The following IL20RB variants were observed in gnomAD, a reference collection of about 807,000 sequenced individuals.
IL20RB encodes the protein interleukin 20 receptor subunit beta, also known as interleukin-20 receptor subunit beta.
Under a neutral mutation model 33.3 loss-of-function variants are expected in IL20RB, and 21 were observed. The observed-to-expected ratio is 0.63, with a 90% CI of 0.45 to 0.91. IL20RB has a LOEUF of 0.91. IL20RB is among the 40% of genes least tolerant of loss of function. The pLI, the probability that IL20RB is intolerant of heterozygous loss-of-function variation, is 0.00. For synonymous variants in IL20RB, 147 were observed against 146.8 expected, an observed-to-expected ratio of 1.00 and a Z score of -0.01; for missense variants, 345 against 384.8, an observed-to-expected ratio of 0.90 and a Z score of 0.86.
At chr3:136,983,828 TTTTG>T (rs756119929) in intron 3 of IL20RB, among the ~76,000 whole-genome samples, 8 of 151,856 alleles carry the variant, frequency 5.3e-5, no homozygotes, top group African/African-American at 9.7e-5. Context: ...CACAAAGTGG[TTTTG>T]TTTGTTTGTT....
chr3:136,996,291 C>T (rs1427389610), intron 6 of IL20RB, among the ~76,000 whole-genome samples: 4 of 152,072 alleles, frequency 2.6e-5, no homozygotes, highest in Admixed American at 1.3e-4. Flanking sequence ...AGATGTTTCC[C>T]GCCAACCCCC....
At chr3:136,983,335 A>C (rs915213552) in intron 3 of IL20RB, among the ~76,000 whole-genome samples, 1 of 152,106 alleles carries the variant, frequency 6.6e-6, no homozygotes, top group African/African-American at 2.4e-5. Context: ...TCATCTGCCC[A>C]CTTCGGCCTC....
chr3:136,986,445 C>T (rs1463390722), intron 3 of IL20RB, among the ~76,000 whole-genome samples: 1 of 152,120 alleles, frequency 6.6e-6, no homozygotes, highest in African/African-American at 2.4e-5. Context: ...AGACCCAATT[C>T]TGATGACATC....
chr3:136,959,319 C>G (rs16844325), intron 1 of IL20RB: 70,495 of 152,048 alleles, frequency 0.46, 16,841 homozygotes, highest in East Asian at 0.69. Context: ...GAAGCAGCAT[C>G]TTCAGTATTT....
In IL20RB at chr3:136,988,098, C is replaced by T. The variant is rs185292517; in HGVS notation, c.407-1343C>T. Among the ~76,000 whole-genome samples the T allele has an allele frequency of 4.1e-3, 632 of 152,332 alleles. 2 individuals are homozygous for T. The highest frequency in any genetic ancestry group is 6.5e-3 in the Non-Finnish European group (443 of 68,028). The stretch of plus-strand genomic sequence containing the variant: ...CCAAAGTGGGAGCCCAGGCAGAGGA[C>T]GCGCCCAGAGTGAGCGAGGGCTGTG... On this transcript the variant is annotated intron_variant, in intron 3 of 6. Transcript: ENST00000329582.
intron 1 of IL20RB, among the ~76,000 whole-genome samples, chr3:136,960,342 T>C (rs1941184595): frequency 6.6e-6 from 1 of 151,992 alleles, no homozygotes; most frequent in African/African-American, 2.4e-5. Context: ...AAGATGAGGT[T>C]TCACCATGTT....
chr3:137,004,872 T>C lies in IL20RB; in HGVS notation c.826-5241T>C, dbSNP rs561055135. Among the ~76,000 whole-genome samples, 7 of 152,354 alleles carry C rather than the reference T, an allele frequency of 4.6e-5. No homozygotes were observed. In the East Asian group the frequency reaches 1.3e-3, roughly 29 times the overall value. On this transcript the variant is annotated intron_variant, in intron 6 of 6. Coordinates refer to ENST00000329582, the MANE Select transcript of IL20RB (RefSeq NM_144717.4). ...AATTGTGATGTTAGGGTGTCAATTT[T>C]AGATCTTTCCTGCTTTCTCTTGTGA... is the stretch of plus-strand genomic sequence containing the variant.
At position 136,962,647 on chromosome 3, in the gene IL20RB, G is replaced by A. The variant is rs562731126; in HGVS notation, c.88+4446G>A. 5.3e-5 allele frequency among the ~76,000 whole-genome samples: 8 copies of A among 151,922 alleles called. No individual in the cohort carries two copies. The East Asian group carries it at 1.6e-3, about 29-fold the overall frequency. ...GGCGCCTGTAGTCCCAGCTACTTGG[G>A]AGGCTGAGGCAGGAGAATCGCTTGA... On this transcript the variant is annotated intron_variant, in intron 1 of 6. Transcript: ENST00000329582.
intron 6 of IL20RB, among the ~76,000 whole-genome samples, chr3:136,998,839 G>A (rs967529535): frequency 6.6e-6 from 1 of 151,896 alleles, no homozygotes; most frequent in Non-Finnish European, 1.5e-5. Context: ...TACTTTAAAA[G>A]TATTGTTTAA....
chr3:136,991,643 C>T (rs1942032121), intron 4 of IL20RB, among the ~76,000 whole-genome samples: 1 of 152,224 alleles, frequency 6.6e-6, no homozygotes, highest in African/African-American at 2.4e-5. Context: ...GAGTCTCGCT[C>T]TGTCGCCCAA....
Position 137,010,516 on chromosome 3 carries a change from G to A in IL20RB, c.*293G>A, listed in dbSNP as rs1315773182. Reference sequence around the variant, plus strand: ...GTCCTAAGTTTTCTCATCTGTAATGGGGGAATTACCTACACACCTGCTAAA... The same window carrying A: ...GTCCTAAGTTTTCTCATCTGTAATGAGGGAATTACCTACACACCTGCTAAA... On this transcript the variant is annotated 3_prime_UTR_variant, in exon 7 of 7. Coordinates refer to ENST00000329582, the MANE Select transcript of IL20RB (RefSeq NM_144717.4). 1 of 308,090 alleles carries A rather than the reference G, an allele frequency of 3.2e-6. No individual in the cohort carries two copies. Among genetic ancestry groups the A allele is most frequent in the African/African-American group, 2.1e-5 (1 of 47,468 alleles). 19.1% of individuals were successfully genotyped at this position (308,090 alleles called of 1,614,324 possible).
chr3:136,970,847 T>C (rs572611333), intron 1 of IL20RB, among the ~76,000 whole-genome samples: 1 of 151,650 alleles, frequency 6.6e-6, no homozygotes, highest in African/African-American at 2.4e-5. Context: ...AGAGATGGGG[T>C]TTCACCGTGT....
At position 137,010,549 on chromosome 3, in the gene IL20RB, A is replaced by G. The variant is rs546957005; in HGVS notation, c.*326A>G. The G allele has an allele frequency of 4.1e-6, 1 of 246,198 alleles. No individual in the cohort carries two copies. Among genetic ancestry groups the G allele is most frequent in the Admixed American group, 5.0e-5 (1 of 20,186 alleles). 15.3% of individuals were successfully genotyped at this position (246,198 alleles called of 1,614,324 possible). ...ACCTACACACCTGCTAAACACACAC[A>G]CACAGAGTCTCTCTCTATATATACA... On this transcript the variant is annotated 3_prime_UTR_variant, in exon 7 of 7. Transcript: ENST00000329582.
rs773035337 is a variant in IL20RB at position 136,995,533 on chromosome 3, G to A, written c.802G>A (p.Val268Met). 1.2e-5 allele frequency: 20 copies of A among 1,613,994 alleles called. No individual in the cohort carries two copies. Among genetic ancestry groups the A allele is most frequent in the South Asian group, 1.1e-4 (10 of 91,080 alleles). Residue 268 changes from valine to methionine, a missense_variant, in exon 6 of 7, where the codon GTG becomes ATG. Val to Met is a conservative substitution (Grantham distance 21). Coordinates refer to ENST00000329582, the MANE Select transcript of IL20RB (RefSeq NM_144717.4). ...GRLLQYSCCP[V>M]VVLPDTLKIT... ...GCTGCTCCAGTACTCCTGTTGCCCC[G>A]TGGTGGTCCTCCCAGACACCTTGGT...
At chr3:136,991,451 T>C (rs1354410525) in intron 4 of IL20RB, among the ~76,000 whole-genome samples, 1 of 152,166 alleles carries the variant, frequency 6.6e-6, no homozygotes, top group Non-Finnish European at 1.5e-5. Context: ...ACATAGTAGG[T>C]ACTTAATAAA....
intron 1 of IL20RB, among the ~76,000 whole-genome samples, chr3:136,969,803 A>G (rs1941425224): frequency 6.6e-6 from 1 of 151,988 alleles, no homozygotes; most frequent in Admixed American, 6.6e-5. Context: ...GCAACTTGTC[A>G]TCTCATCCTC....
intron 1 of IL20RB, among the ~76,000 whole-genome samples, chr3:136,979,660 T>C (rs1014261084): frequency 6.6e-6 from 1 of 152,008 alleles, no homozygotes; most frequent in Non-Finnish European, 1.5e-5. Flanking sequence ...TGTGTCTGGG[T>C]ACACTCGGGG....
chr3:136,979,936 C>T (rs897884917), intron 1 of IL20RB, among the ~76,000 whole-genome samples: 2 of 152,312 alleles, frequency 1.3e-5, no homozygotes, highest in East Asian at 1.9e-4. Context: ...AAGAGGCTCA[C>T]GTTTATGCAA....
chr3:136,975,133 T>A (rs966598019), intron 1 of IL20RB, among the ~76,000 whole-genome samples: 2 of 152,168 alleles, frequency 1.3e-5, no homozygotes, highest in African/African-American at 4.8e-5. Flanking sequence ...GATTAAGGTC[T>A]ATTGCTGGAG....
Sources: gnomAD v4.1 joint callset for allele counts (sites outside exome capture counted in the v4.1 genomes callset) on GRCh38, gnomAD v4.1.1 for gene constraint, MANE v1.5 for transcripts, NCBI Gene and HGNC (gene_info 2026-07-23, HGNC 2026-07-21) for gene names.